The following RANBP17 variants were observed in gnomAD, a reference collection of about 807,000 sequenced individuals.
RANBP17 encodes the protein ran-binding protein 17.
In RANBP17, 158 loss-of-function variants were observed where a neutral mutation model predicts 141.2. That is an observed-to-expected ratio of 1.12 (90% CI 0.98 to 1.28). The LOEUF is 1.28. Ranked by LOEUF, RANBP17 falls within the 50% of genes most tolerant of loss-of-function variation. The pLI is 0.00. For synonymous variants in RANBP17, 430 were observed against 450.0 expected, an observed-to-expected ratio of 0.96 and a Z score of 0.56; for missense variants, 1,438 against 1,290.7, an observed-to-expected ratio of 1.11 and a Z score of -1.75.
chr5:171,171,380 A>T (rs1760088922), intron 16 of RANBP17, 94 bp downstream of exon 16: 1 of 685,738 alleles, frequency 1.5e-6, no homozygotes, highest in East Asian at 2.8e-5. Context: ...AATTTTTGCA[A>T]TTTTTTAAAA....
chr5:171,017,049 C>T (rs932614921), intron 14 of RANBP17, among the ~76,000 whole-genome samples: 1 of 152,104 alleles, frequency 6.6e-6, no homozygotes, highest in African/African-American at 2.4e-5. Context: ...ATGATGGCTT[C>T]CAGCTTCATC....
At chr5:170,869,531 G>A (rs1046654426) in intron 1 of RANBP17, among the ~76,000 whole-genome samples, 29 of 152,134 alleles carry the variant, frequency 1.9e-4, no homozygotes, top group Non-Finnish European at 3.4e-4. Context: ...AGGCCCTGAA[G>A]GAGAAACCAT....
At chr5:170,912,055 T>C (rs1032501317) in intron 7 of RANBP17, among the ~76,000 whole-genome samples, 7 of 151,868 alleles carry the variant, frequency 4.6e-5, no homozygotes, top group African/African-American at 1.4e-4. Context: ...AGAAATAAAA[T>C]TGGAGAGGCC....
chr5:171,145,426 G>A (rs1043764535), intron 14 of RANBP17, among the ~76,000 whole-genome samples: 1 of 152,034 alleles, frequency 6.6e-6, no homozygotes, highest in South Asian at 2.1e-4. Context: ...CAGAAGAGAA[G>A]CAGAAACTTT....
chr5:170,888,260 G>T (rs937610856), intron 3 of RANBP17, among the ~76,000 whole-genome samples: 1 of 152,054 alleles, frequency 6.6e-6, no homozygotes, highest in African/African-American at 2.4e-5. Flanking sequence ...AAATTACTGG[G>T]GTTTTCATTG....
chr5:171,201,789 G>T (rs909911231), intron 19 of RANBP17, among the ~76,000 whole-genome samples: 1 of 152,180 alleles, frequency 6.6e-6, no homozygotes, highest in Non-Finnish European at 1.5e-5. Context: ...TGCACTAAAT[G>T]CTTTTAAATG....
intron 22 of RANBP17, among the ~76,000 whole-genome samples, chr5:171,234,839 G>T (rs992613520): frequency 6.6e-6 from 1 of 152,170 alleles, no homozygotes; most frequent in Non-Finnish European, 1.5e-5. Context: ...ATGGATTTTT[G>T]ATTCTGGAGT....
chr5:171,243,042 A>G (rs1272654762), intron 24 of RANBP17: 1 of 530,648 alleles, frequency 1.9e-6, no homozygotes, highest in African/African-American at 1.9e-5. Context: ...TAATTTACAT[A>G]CAATAAAATT....
intron 1 of RANBP17, among the ~76,000 whole-genome samples, chr5:170,864,208 C>G (rs1270448115): frequency 1.3e-5 from 2 of 152,130 alleles, no homozygotes; most frequent in Non-Finnish European, 2.9e-5. Context: ...TCCGTGTTCC[C>G]CATTACCTCT....
At chr5:171,205,748 T>G in intron 20 of RANBP17, 136 bp downstream of exon 20, 1 of 738,128 alleles carries the variant, frequency 1.4e-6, no homozygotes, top group African/African-American at 1.7e-5. Context: ...AGCTAAAAAT[T>G]ACAGCACAGT....
chr5:171,287,477 C>T (rs1178110685), intron 25 of RANBP17, among the ~76,000 whole-genome samples: 4 of 145,600 alleles, frequency 2.7e-5, no homozygotes, highest in African/African-American at 1.0e-4. Flanking sequence ...GCGACAGGAG[C>T]GAAACTCCAT....
intron 14 of RANBP17, among the ~76,000 whole-genome samples, chr5:170,997,329 C>T (rs997734564): frequency 7.2e-5 from 11 of 152,188 alleles, no homozygotes; most frequent in East Asian, 3.9e-4. Flanking sequence ...GAGTGGAGGG[C>T]GGAGAGTTTG....
At chr5:170,962,380 C>A (rs1380698688) in intron 13 of RANBP17, among the ~76,000 whole-genome samples, 2 of 152,182 alleles carry the variant, frequency 1.3e-5, no homozygotes, top group South Asian at 4.2e-4. Flanking sequence ...AATTTTTGTT[C>A]CACATCTTCT....
chr5:171,000,105 G>T (rs529111415), intron 14 of RANBP17, among the ~76,000 whole-genome samples: 1 of 152,154 alleles, frequency 6.6e-6, no homozygotes, highest in South Asian at 2.1e-4. Flanking sequence ...TTATTCCCTT[G>T]TATATGTATA....
At chr5:170,917,993 A>G (rs1170299080) in intron 9 of RANBP17, among the ~76,000 whole-genome samples, 6 of 152,092 alleles carry the variant, frequency 3.9e-5, no homozygotes, top group Non-Finnish European at 8.8e-5. Context: ...TTTTACAAAG[A>G]TACTTTTTGA....
intron 18 of RANBP17, among the ~76,000 whole-genome samples, chr5:171,188,240 G>A (rs151138277): frequency 1.6e-4 from 25 of 152,340 alleles, no homozygotes; most frequent in African/African-American, 5.5e-4. Context: ...TTTGAAGAGC[G>A]TAAACCAGGC....
chr5:171,115,096 G>C (rs1755518967), intron 14 of RANBP17, among the ~76,000 whole-genome samples: 2 of 151,714 alleles, frequency 1.3e-5, no homozygotes, highest in African/African-American at 4.9e-5. Flanking sequence ...GCAAGACCCT[G>C]TCTCTAAAAC....
intron 14 of RANBP17, among the ~76,000 whole-genome samples, chr5:171,062,792 TAC>T (rs1783989662): frequency 6.6e-6 from 1 of 152,256 alleles, no homozygotes; most frequent in Non-Finnish European, 1.5e-5. Flanking sequence ...CACTTTCAGG[TAC>T]ACCAATCAGA....
chr5:170,865,802 C>T (rs1279650646), intron 1 of RANBP17, among the ~76,000 whole-genome samples: 1 of 152,146 alleles, frequency 6.6e-6, no homozygotes, highest in Non-Finnish European at 1.5e-5. Context: ...ACAGAATTCA[C>T]CGAAAGTTGT....
Sources: gnomAD v4.1 joint callset for allele counts (sites outside exome capture counted in the v4.1 genomes callset) on GRCh38, gnomAD v4.1.1 for gene constraint, MANE v1.5 for transcripts, NCBI Gene and HGNC (gene_info 2026-07-23, HGNC 2026-07-21) for gene names.